CDIN1: variants seen among roughly 807,000 people sequenced by gnomAD.
CDIN1 encodes CDAN1 interacting nuclease 1, also known as CDAN1-interacting nuclease 1.
A neutral mutation model predicts 45.3 loss-of-function variants in CDIN1; 33 were observed. That is an observed-to-expected ratio of 0.73 (90% confidence interval 0.55 to 0.97). The LOEUF is 0.97. Ranked by LOEUF, CDIN1 falls within the 50% of genes least tolerant of loss-of-function variation. CDIN1 has a pLI of 0.00. For missense variants in CDIN1, 303 were observed against 339.4 expected, an observed-to-expected ratio of 0.89 and a Z score of 0.84; for synonymous variants, 118 against 124.4, an observed-to-expected ratio of 0.95 and a Z score of 0.34.
At chr15:36,628,128 T>C (rs1344739165) in intron 1 of CDIN1, among the ~76,000 whole-genome samples, 2 of 152,112 alleles carry the variant, frequency 1.3e-5, no homozygotes, top group Non-Finnish European at 2.9e-5. Context: ...TGGAGTTGTG[T>C]AGCCATGTGT....
At chr15:36,755,241 G>A (rs1310459765) in intron 10 of CDIN1, among the ~76,000 whole-genome samples, 1 of 152,170 alleles carries the variant, frequency 6.6e-6, no homozygotes, top group Non-Finnish European at 1.5e-5. Context: ...AAAAGGCTCT[G>A]AATTTAGTGA....
intron 1 of CDIN1, among the ~76,000 whole-genome samples, chr15:36,601,979 A>C (rs1324723741): frequency 2.0e-5 from 3 of 152,162 alleles, no homozygotes; most frequent in Non-Finnish European, 2.9e-5. Flanking sequence ...TTTTTTTTGT[A>C]TTCATAGTGA....
chr15:36,615,734 C>T (rs1467131427), intron 1 of CDIN1, among the ~76,000 whole-genome samples: 1 of 152,214 alleles, frequency 6.6e-6, no homozygotes, highest in Non-Finnish European at 1.5e-5. Flanking sequence ...ATTCTACCTA[C>T]ATTTGTGAAT....
chr15:36,618,657 A>G (rs2039009052), intron 1 of CDIN1: 10 of 818,264 alleles, frequency 1.2e-5, no homozygotes, highest in Non-Finnish European at 2.2e-5. Flanking sequence ...TTAGTTGCCC[A>G]GTGCCTGCAG....
At chr15:36,686,389 A>G (rs1460055459) in intron 5 of CDIN1, among the ~76,000 whole-genome samples, 1 of 126,658 alleles carries the variant, frequency 7.9e-6, no homozygotes, top group East Asian at 2.4e-4. Context: ...GAAGGGGAAC[A>G]TCACACTCTG....
chr15:36,777,754 G>T (rs1028958970), intron 10 of CDIN1, among the ~76,000 whole-genome samples: 3 of 152,156 alleles, frequency 2.0e-5, no homozygotes, highest in African/African-American at 7.2e-5. Flanking sequence ...GAGACTACAG[G>T]TGAGCAACAC....
At chr15:36,609,279 G>A (rs1166181294) in intron 1 of CDIN1, among the ~76,000 whole-genome samples, 1 of 152,196 alleles carries the variant, frequency 6.6e-6, no homozygotes, top group Non-Finnish European at 1.5e-5. Context: ...GCCTCCCAAA[G>A]TTTTGGGATT....
At chr15:36,775,621 G>A (rs572736931) in intron 10 of CDIN1, among the ~76,000 whole-genome samples, 86 of 152,274 alleles carry the variant, frequency 5.6e-4, no homozygotes, top group African/African-American at 2.0e-3. Flanking sequence ...AAACAAAAAG[G>A]TGAATGTTAC....
intron 1 of CDIN1, among the ~76,000 whole-genome samples, chr15:36,589,751 G>T (rs186063026): frequency 1.3e-5 from 2 of 152,040 alleles, no homozygotes; most frequent in East Asian, 3.9e-4. Context: ...TGATCTGCCC[G>T]CCTCGGCCTC....
intron 4 of CDIN1, among the ~76,000 whole-genome samples, chr15:36,655,135 C>T (rs979436459): frequency 6.6e-6 from 1 of 152,170 alleles, no homozygotes; most frequent in Non-Finnish European, 1.5e-5. Flanking sequence ...TGCTGCTATA[C>T]ACTGCTGCAG....
intron 10 of CDIN1, among the ~76,000 whole-genome samples, chr15:36,719,156 A>T (rs771199714): frequency 6.6e-6 from 1 of 152,084 alleles, no homozygotes; most frequent in African/African-American, 2.4e-5. Flanking sequence ...CAGGAATTTG[A>T]GGCTGCAGTG....
intron 1 of CDIN1, among the ~76,000 whole-genome samples, chr15:36,595,884 T>G (rs1386297725): frequency 1.3e-5 from 2 of 152,242 alleles, no homozygotes; most frequent in Non-Finnish European, 2.9e-5. Context: ...GAGAAGGCCA[T>G]CTGACGGCAT....
chr15:36,729,648 TAAAG>T (rs2043769287), intron 10 of CDIN1, among the ~76,000 whole-genome samples: 2 of 152,186 alleles, frequency 1.3e-5, no homozygotes, highest in Non-Finnish European at 2.9e-5. Flanking sequence ...ATTAGTGAAA[TAAAG>T]AAGTTTTTAA....
At chr15:36,669,077 G>A (rs1403657287) in intron 5 of CDIN1, 2 of 152,046 alleles carry the variant, frequency 1.3e-5, no homozygotes, top group South Asian at 4.1e-4. Flanking sequence ...GAAACCTCTT[G>A]AAATAATGTT....
At chr15:36,622,990 G>C (rs1467743949) in intron 1 of CDIN1, among the ~76,000 whole-genome samples, 1 of 152,180 alleles carries the variant, frequency 6.6e-6, no homozygotes, top group Non-Finnish European at 1.5e-5. Context: ...CAATGTGCAG[G>C]GCACACATTC....
At chr15:36,640,481 G>A (rs2040063845) in intron 1 of CDIN1, 1 of 252,640 alleles carries the variant, frequency 4.0e-6, no homozygotes, top group Non-Finnish European at 6.2e-6. Flanking sequence ...CCAAGCTCCA[G>A]AAATAATATT....
intron 10 of CDIN1, among the ~76,000 whole-genome samples, chr15:36,788,090 ATATATATATATATATATTTTTTTTT>A (rs1169626616): frequency 9.9e-5 from 1 of 10,078 alleles, no homozygotes. Flanking sequence ...ATATATATAT[ATATATATATATATATATTTTTTTTT>A]TTTTTTTTTT....
At chr15:36,619,655 A>G (rs1266862673) in intron 1 of CDIN1, among the ~76,000 whole-genome samples, 1 of 152,116 alleles carries the variant, frequency 6.6e-6, no homozygotes, top group Non-Finnish European at 1.5e-5. Context: ...AACATTATAC[A>G]TCCTTCAGTA....
At chr15:36,658,315 T>TA (rs1390656404) in intron 5 of CDIN1, 5 of 153,540 alleles carry the variant, frequency 3.3e-5, no homozygotes, top group African/African-American at 1.2e-4. Context: ...CTGGTCTTCC[T>TA]ACAAGAAAAT....
Sources: gnomAD v4.1 joint callset for allele counts (sites outside exome capture counted in the v4.1 genomes callset) on GRCh38, gnomAD v4.1.1 for gene constraint, MANE v1.5 for transcripts, NCBI Gene and HGNC (gene_info 2026-07-23, HGNC 2026-07-21) for gene names.